Variants in SLC36A4 observed in about 807,000 individuals in gnomAD.
SLC36A4 encodes the protein solute carrier family 36 member 4.
Under a neutral mutation model 50.5 loss-of-function variants are expected in SLC36A4, and 49 were observed. That is an observed-to-expected ratio of 0.97 (90% confidence interval 0.77 to 1.23). The LOEUF (loss-of-function observed/expected upper bound fraction) is 1.23. Among genes scored for constraint, SLC36A4 ranks in the 50% most tolerant of loss-of-function variants. The pLI, the probability that SLC36A4 is intolerant of heterozygous loss-of-function variation, is 0.00. For missense variants in SLC36A4, 611 were observed against 608.4 expected, an observed-to-expected ratio of 1.00 and a Z score of -0.05; for synonymous variants, 207 against 206.5, an observed-to-expected ratio of 1.00 and a Z score of -0.02.
At chr11:93,159,765 T>G in intron 9 of SLC36A4, 1 of 944,476 alleles carries the variant, frequency 1.1e-6, no homozygotes, top group African/African-American at 1.8e-5. Context: ...TTCAGAAAGA[T>G]TAAGGGTAAT....
At chr11:93,194,174 A>G (rs796111649) in intron 1 of SLC36A4, among the ~76,000 whole-genome samples, 22 of 152,268 alleles carry the variant, frequency 1.4e-4, no homozygotes, top group East Asian at 9.6e-4. Context: ...TAGACGGACA[A>G]TTGGATCATT....
intron 8 of SLC36A4, among the ~76,000 whole-genome samples, chr11:93,164,269 T>C (rs1860764207): frequency 1.3e-5 from 2 of 152,152 alleles, no homozygotes; most frequent in Admixed American, 1.3e-4. Flanking sequence ...GTCTGTCAAA[T>C]TCAGTAAAAC....
At chr11:93,152,672 A>G (rs1449334304) in intron 10 of SLC36A4, 6 of 152,084 alleles carry the variant, frequency 3.9e-5, no homozygotes, top group Admixed American at 6.6e-5. Flanking sequence ...CAATACAACA[A>G]TGCCAGCCAA....
intron 3 of SLC36A4, among the ~76,000 whole-genome samples, chr11:93,183,603 G>A (rs566712892): frequency 2.0e-5 from 3 of 151,814 alleles, no homozygotes; most frequent in Admixed American, 2.0e-4. Flanking sequence ...CCCTATCAAG[G>A]TTCTCTGCAA....
At chr11:93,162,973 G>T in intron 8 of SLC36A4, 98 bp from the exon 9 acceptor site, 1 of 1,081,686 alleles carries the variant, frequency 9.2e-7, no homozygotes, top group Non-Finnish European at 1.3e-6. Context: ...TAGCCTATAT[G>T]CAAATTTTTT....
At chr11:93,161,360 T>G (rs1860609705) in intron 9 of SLC36A4, among the ~76,000 whole-genome samples, 1 of 152,240 alleles carries the variant, frequency 6.6e-6, no homozygotes, top group East Asian at 1.9e-4. Context: ...TTATTTGTAA[T>G]AATAACTCCA....
In SLC36A4 at chr11:93,197,876, C is replaced by T; in HGVS notation, c.-44G>A. ...ACGCCGCCGCCCGAGTGCTCACTCT[C>T]CCGCCGCTGCGTGGCCGGCGTCAGG... On this transcript the variant is annotated 5_prime_UTR_variant, in exon 1 of 11. Coordinates refer to ENST00000326402, the MANE Select transcript of SLC36A4 (RefSeq NM_152313.4). 6.6e-7 allele frequency: 1 copy of T among 1,509,022 alleles called. No individual in the cohort carries two copies. Among genetic ancestry groups the T allele is most frequent in the South Asian group, 1.2e-5 (1 of 81,080 alleles). 93.5% of individuals were successfully genotyped at this position (1,509,022 alleles called of 1,614,324 possible). A position where few individuals can be genotyped will look rare whatever the true frequency, so the allele number is the denominator to read the frequency against.
At chr11:93,186,020 T>C (rs1861970268) in intron 1 of SLC36A4, among the ~76,000 whole-genome samples, 2 of 152,366 alleles carry the variant, frequency 1.3e-5, no homozygotes, top group Non-Finnish European at 1.5e-5. Context: ...GTTTGGAATA[T>C]GCAGTGCAAG....
intron 10 of SLC36A4, among the ~76,000 whole-genome samples, chr11:93,150,891 T>A (rs1050938737): frequency 1.3e-5 from 2 of 152,008 alleles, no homozygotes; most frequent in African/African-American, 4.8e-5. Flanking sequence ...GGCTTTCAAT[T>A]TGGAATCCAT....
chr11:93,180,445 G>T, intron 6 of SLC36A4: 1 of 447,958 alleles, frequency 2.2e-6, no homozygotes, highest in Non-Finnish European at 3.0e-6. Context: ...TAGCCTACTG[G>T]CTAAAGCCTT....
chr11:93,180,176 T>C, intron 6 of SLC36A4: 3 of 982,808 alleles, frequency 3.1e-6, no homozygotes, highest in Non-Finnish European at 3.6e-6. Flanking sequence ...GGAATAATGA[T>C]ACCAGTCATA....
intron 2 of SLC36A4, 98 bp downstream of exon 2, chr11:93,185,593 G>C: frequency 9.0e-7 from 1 of 1,115,438 alleles, no homozygotes; most frequent in Non-Finnish European, 1.2e-6. Flanking sequence ...TCTTATATTT[G>C]TGTCTTGTAA....
chr11:93,181,588 C>T (rs1171772525), intron 5 of SLC36A4, 103 bp downstream of exon 5: 4 of 882,210 alleles, frequency 4.5e-6, no homozygotes, highest in Non-Finnish European at 6.2e-6. Flanking sequence ...TATGTTTATT[C>T]CCCAACTTTA....
intron 10 of SLC36A4, among the ~76,000 whole-genome samples, chr11:93,149,512 G>A (rs778005495): frequency 1.3e-5 from 2 of 152,042 alleles, no homozygotes; most frequent in Non-Finnish European, 2.9e-5. Flanking sequence ...ATAAGACACT[G>A]ATACTATGAT....
chr11:93,166,061 AT>A (rs745540157), intron 7 of SLC36A4, 45 bp from the exon 8 acceptor site: 1 of 1,411,256 alleles, frequency 7.1e-7, no homozygotes, highest in Non-Finnish European at 9.7e-7. Flanking sequence ...ATCTTTACTT[AT>A]TCTAAATAAT....
chr11:93,165,835 G>T, intron 8 of SLC36A4, 83 bp downstream of exon 8: 7 of 779,848 alleles, frequency 9.0e-6, no homozygotes, highest in Non-Finnish European at 1.3e-5. Context: ...AGAAAAATAT[G>T]CAATTTTAAA....
rs139843467 is a variant in SLC36A4 at position 93,162,757 on chromosome 11, A to C, written c.986T>G (p.Phe329Cys). Residue 329 changes from phenylalanine to cysteine, a missense_variant, in exon 9 of 11, where the codon TTC becomes TGC. Transcript: ENST00000326402. Reference sequence around the variant, plus strand: ...TATGCTGCCTTTGATTTCATCATGGAAACACATATATCCTAAAGTAGCTAA... The same window carrying C: ...TATGCTGCCTTTGATTTCATCATGGCAACACATATATCCTAAAGTAGCTAA... ...VTLATLGYMC[F>C]HDEIKGSITL... is the part of the protein sequence containing the mutation. 576 of 1,613,262 alleles carry C rather than the reference A, an allele frequency of 3.6e-4. No homozygotes were observed. Among genetic ancestry groups the C allele is most frequent in the Non-Finnish European group, 4.5e-4 (536 of 1,179,680 alleles).
rs898216139 is a variant in SLC36A4 at position 93,160,553 on chromosome 11, A to G, written c.1037+2153T>C. On this transcript the variant is annotated intron_variant, in intron 9 of 10. Transcript: ENST00000326402. Reference sequence around the variant, plus strand: ...GATTAATTGGAGCTACTGCAGGGACAGTGTCACCCTCCAAGATTGAGTTGT... The same window carrying G: ...GATTAATTGGAGCTACTGCAGGGACGGTGTCACCCTCCAAGATTGAGTTGT... 6 of 985,286 alleles carry G rather than the reference A, an allele frequency of 6.1e-6. No homozygotes were observed. In the African/African-American group the frequency reaches 1.0e-4, roughly 17 times the overall value. The allele number at this position is 985,286 out of a possible 1,614,324, so 61.0% of individuals were successfully genotyped here.
rs565621454 is a variant in SLC36A4 at position 93,180,994 on chromosome 11, C to T, written c.456-113G>A. 4.6e-5 allele frequency: 34 copies of T among 745,844 alleles called. No individual in the cohort carries two copies. The South Asian group carries it at 5.0e-4, about 11-fold the overall frequency. The allele number at this position is 745,844 out of a possible 1,614,324, so 46.2% of individuals were successfully genotyped here. ...TTTTATTATAGCATATATTCTCCTACTCAGTATGTCAGGAACTCAGAGCAG... is the reference window on the plus strand; with the variant it reads ...TTTTATTATAGCATATATTCTCCTATTCAGTATGTCAGGAACTCAGAGCAG... On this transcript the variant is annotated intron_variant, in intron 5 of 10. Transcript: ENST00000326402.
Sources: gnomAD v4.1 joint callset for allele counts (sites outside exome capture counted in the v4.1 genomes callset) on GRCh38, gnomAD v4.1.1 for gene constraint, MANE v1.5 for transcripts, NCBI Gene and HGNC (gene_info 2026-07-23, HGNC 2026-07-21) for gene names.